The following PTPRE variants were observed in gnomAD, a reference collection of about 807,000 sequenced individuals.
PTPRE encodes the protein receptor-type tyrosine-protein phosphatase epsilon.
PTPRE carries 51 observed loss-of-function variants against 102.0 expected under a neutral mutation model. That is an observed-to-expected ratio of 0.50 (90% CI 0.40 to 0.63). PTPRE has a LOEUF of 0.63. Ranked by LOEUF, PTPRE falls within the 30% of genes least tolerant of loss-of-function variation. PTPRE has a pLI of 0.00. For missense variants in PTPRE, 752 were observed against 915.1 expected, an observed-to-expected ratio of 0.82 and a Z score of 2.30; for synonymous variants, 345 against 348.2, an observed-to-expected ratio of 0.99 and a Z score of 0.10.
chr10:128,007,557 C>T (rs773592739), intron 2 of PTPRE, among the ~76,000 whole-genome samples: 16 of 152,312 alleles, frequency 1.1e-4, no homozygotes, highest in East Asian at 1.9e-4. Flanking sequence ...ATACTTGTCC[C>T]GATAAAATCT....
At chr10:127,958,767 A>G (rs1180450575) in intron 1 of PTPRE, among the ~76,000 whole-genome samples, 4 of 151,864 alleles carry the variant, frequency 2.6e-5, no homozygotes, top group Non-Finnish European at 2.9e-5. Context: ...AAATTGATTT[A>G]ATTTATTTCT....
chr10:128,069,253 C>T (rs186153506), intron 12 of PTPRE: 1 of 152,056 alleles, frequency 6.6e-6, no homozygotes, highest in Admixed American at 6.5e-5. Flanking sequence ...CAGATGCCAC[C>T]TCACTTAATG....
chr10:127,960,824 C>T (rs142338248), intron 1 of PTPRE, among the ~76,000 whole-genome samples: 100 of 152,160 alleles, frequency 6.6e-4, no homozygotes, highest in African/African-American at 2.3e-3. Flanking sequence ...GAGATCAAGA[C>T]CATCCTAACA....
intron 2 of PTPRE, among the ~76,000 whole-genome samples, chr10:128,027,474 G>A (rs982433395): frequency 6.6e-6 from 1 of 152,170 alleles, no homozygotes; most frequent in African/African-American, 2.4e-5. Flanking sequence ...CACTGGCCAG[G>A]AATGCCATTT....
chr10:128,069,603 T>G (rs1850582497), intron 12 of PTPRE, 89 bp from the exon 13 acceptor site: 3 of 1,533,284 alleles, frequency 2.0e-6, no homozygotes, highest in Non-Finnish European at 2.6e-6. Context: ...TTGCATCCAG[T>G]GACCTGGGTG....
At position 128,053,763 on chromosome 10, in the gene PTPRE, T is replaced by A. The variant is rs4072637; in HGVS notation, c.421-2360T>A. Among the ~76,000 whole-genome samples, 1,337 of 151,976 alleles carry A rather than the reference T, an allele frequency of 8.8e-3. 14 individuals are homozygous for A. Among genetic ancestry groups the A allele is most frequent in the African/African-American group, 0.025 (1,040 of 41,320 alleles). On this transcript the variant is annotated intron_variant, in intron 6 of 20. Coordinates refer to ENST00000254667, the MANE Select transcript of PTPRE (RefSeq NM_006504.6). ...CTCAATTTCTTTTAATTTATTTATT[T>A]ATTTATTTATTTTTTGAGAGAGAGT...
chr10:127,952,373 A>G (rs1348240743), intron 1 of PTPRE, among the ~76,000 whole-genome samples: 2 of 151,596 alleles, frequency 1.3e-5, no homozygotes, highest in Non-Finnish European at 2.9e-5. Flanking sequence ...CCAAACCAAA[A>G]AAAGTTTAGT....
chr10:127,937,403 A>T (rs1395861270), intron 1 of PTPRE, among the ~76,000 whole-genome samples: 2 of 152,160 alleles, frequency 1.3e-5, no homozygotes, highest in Non-Finnish European at 2.9e-5. Context: ...GACAATATGA[A>T]TCCTGAATTT....
At chr10:127,922,811 C>G (rs1486495150) in intron 1 of PTPRE, among the ~76,000 whole-genome samples, 2 of 152,222 alleles carry the variant, frequency 1.3e-5, no homozygotes, top group Non-Finnish European at 2.9e-5. Flanking sequence ...GCCCAGGTTC[C>G]TTTCTCTGGC....
chr10:128,061,604 C>T, intron 8 of PTPRE, 75 bp from the exon 9 acceptor site: 3 of 1,514,318 alleles, frequency 2.0e-6, no homozygotes, highest in Admixed American at 2.5e-5. Flanking sequence ...TACTGCTTTC[C>T]TAACAGCAAC....
intron 2 of PTPRE, among the ~76,000 whole-genome samples, chr10:128,036,959 C>T (rs1429838085): frequency 6.6e-6 from 1 of 152,228 alleles, no homozygotes; most frequent in East Asian, 1.9e-4. Context: ...TGACGCGCAG[C>T]ATCCAGGGCT....
chr10:127,944,344 G>T lies in PTPRE; in HGVS notation c.-31+37035G>T, dbSNP rs904777663. On this transcript the variant is annotated intron_variant, in intron 1 of 20. Coordinates refer to ENST00000254667, the MANE Select transcript of PTPRE (RefSeq NM_006504.6). The surrounding 1 kb of genome is among the most constrained non-coding windows in gnomAD (Gnocchi z 4.2). ...TGATTGAATGGCTAAATGGTGGGTG[G>T]GTGGATGGATGGATGGACGATGGAC... Among the ~76,000 whole-genome samples the T allele has an allele frequency of 9.9e-5, 15 of 152,202 alleles. No individual in the cohort carries two copies. The highest frequency in any genetic ancestry group is 3.6e-4 in the African/African-American group (15 of 41,446).
intron 1 of PTPRE, among the ~76,000 whole-genome samples, chr10:127,928,432 T>C (rs928686543): frequency 2.0e-5 from 3 of 152,248 alleles, no homozygotes; most frequent in African/African-American, 7.2e-5. Flanking sequence ...AATGCAGATA[T>C]GTAATTCTTT....
intron 20 of PTPRE, among the ~76,000 whole-genome samples, chr10:128,080,089 TTA>T (rs10544160): frequency 0.38 from 57,588 of 151,984 alleles, 11,154 homozygotes; most frequent in Middle Eastern, 0.45. Context: ...CATTTCAATG[TTA>T]TACTCGTCCA....
intron 2 of PTPRE, among the ~76,000 whole-genome samples, chr10:128,020,184 A>T (rs7915092): frequency 1.3e-5 from 2 of 152,104 alleles, no homozygotes; most frequent in African/African-American, 2.4e-5. Flanking sequence ...TTTCCACAGC[A>T]GACCTTCTTA....
At chr10:128,065,149 A>G (rs937796816) in intron 10 of PTPRE, among the ~76,000 whole-genome samples, 3 of 151,824 alleles carry the variant, frequency 2.0e-5, no homozygotes, top group African/African-American at 7.2e-5. Flanking sequence ...AGGAGGGGGA[A>G]GTTGTCGGTA....
At chr10:128,069,488 T>G (rs1850568934) in intron 12 of PTPRE, 1 of 622,388 alleles carries the variant, frequency 1.6e-6, no homozygotes, top group Admixed American at 3.0e-5. Flanking sequence ...TAGTAGAGTG[T>G]CGGTGGCTAT....
chr10:128,077,850 C>G, intron 19 of PTPRE, 67 bp downstream of exon 19: 4 of 1,518,122 alleles, frequency 2.6e-6, no homozygotes, highest in Non-Finnish European at 3.6e-6. Context: ...GTACCCGCAG[C>G]TGTGGGCAGC....
intron 17 of PTPRE, among the ~76,000 whole-genome samples, chr10:128,074,361 A>G (rs1221595281): frequency 2.6e-5 from 4 of 152,166 alleles, no homozygotes; most frequent in African/African-American, 9.7e-5. Flanking sequence ...TCCACTTTGG[A>G]GCTATTATAA....
Sources: gnomAD v4.1 joint callset for allele counts (sites outside exome capture counted in the v4.1 genomes callset) on GRCh38, gnomAD v4.1.1 for gene constraint, Gnocchi (gnomAD v3.1) non-coding constraint, MANE v1.5 for transcripts, NCBI Gene and HGNC (gene_info 2026-07-23, HGNC 2026-07-21) for gene names.